The following MDGA2 variants were observed in gnomAD, a reference collection of about 807,000 sequenced individuals.
MDGA2 encodes the protein MAM domain-containing glycosylphosphatidylinositol anchor protein 2.
Under a neutral mutation model 117.8 loss-of-function variants are expected in MDGA2, and 40 were observed. That is an observed-to-expected ratio of 0.34 (90% confidence interval 0.26 to 0.44). The LOEUF (loss-of-function observed/expected upper bound fraction) is 0.44. MDGA2 is among the 20% of genes least tolerant of loss of function. MDGA2 has a pLI of 1.00. For synonymous variants in MDGA2, 452 were observed against 439.0 expected, an observed-to-expected ratio of 1.03 and a Z score of -0.37; for missense variants, 1,123 against 1,250.6, an observed-to-expected ratio of 0.90 and a Z score of 1.54.
intron 1 of MDGA2, among the ~76,000 whole-genome samples, chr14:47,556,662 G>C (rs1227203147): frequency 6.6e-6 from 1 of 152,144 alleles, no homozygotes. Context: ...GAAAATAATA[G>C]TTGCAACTTC....
At chr14:47,643,999 G>A (rs1897477144) in intron 1 of MDGA2, among the ~76,000 whole-genome samples, 1 of 152,148 alleles carries the variant, frequency 6.6e-6, no homozygotes, top group African/African-American at 2.4e-5. Context: ...TCAGAGTGTA[G>A]ACCAGGTGAG....
chr14:47,176,943 A>T (rs1398501751), intron 3 of MDGA2, among the ~76,000 whole-genome samples: 1 of 152,174 alleles, frequency 6.6e-6, no homozygotes, highest in African/African-American at 2.4e-5. Context: ...ATGAACTCAA[A>T]CAAATTTATA....
intron 3 of MDGA2, among the ~76,000 whole-genome samples, chr14:47,175,239 A>C (rs1884382630): frequency 6.6e-6 from 1 of 151,752 alleles, no homozygotes; most frequent in Admixed American, 6.6e-5. Context: ...AACTGGTACC[A>C]TTCCTTGTGA....
chr14:46,883,203 A>C (rs1882534039), intron 10 of MDGA2, among the ~76,000 whole-genome samples: 1 of 152,114 alleles, frequency 6.6e-6, no homozygotes, highest in African/African-American at 2.4e-5. Flanking sequence ...TTTAACATAC[A>C]ATATTGTTTC....
chr14:47,618,160 G>A (rs1896981600), intron 1 of MDGA2, among the ~76,000 whole-genome samples: 1 of 152,078 alleles, frequency 6.6e-6, no homozygotes, highest in South Asian at 2.1e-4. Flanking sequence ...ACAAATAACT[G>A]TACTAGCTTG....
intron 1 of MDGA2, among the ~76,000 whole-genome samples, chr14:47,662,149 T>C (rs2064798): frequency 0.99 from 151,497 of 152,294 alleles, 75,360 homozygotes; most frequent in East Asian, 1. Context: ...GCATACTCTG[T>C]TGCCAACACT....
rs75457968 is a variant in MDGA2, at chr14:47,589,185, T to C, written c.280+85332A>G. Reference sequence around the variant, plus strand: ...GTCGACATCTTTGTGGGGCAGTTATTTTAACAATCACACTCTATTTTTTCT... The same window carrying C: ...GTCGACATCTTTGTGGGGCAGTTATCTTAACAATCACACTCTATTTTTTCT... On this transcript the variant is annotated intron_variant, in intron 1 of 16. Coordinates refer to ENST00000399232, the MANE Select transcript of MDGA2 (RefSeq NM_001113498.3). Among the ~76,000 whole-genome samples, 634 of 152,114 alleles carry C rather than the reference T, an allele frequency of 4.2e-3. 4 individuals carry two copies. Among genetic ancestry groups the C allele is most frequent in the African/African-American group, 0.015 (609 of 41,538 alleles).
intron 5 of MDGA2, among the ~76,000 whole-genome samples, chr14:47,130,133 T>G (rs1882129310): frequency 6.6e-6 from 1 of 152,106 alleles, no homozygotes; most frequent in African/African-American, 2.4e-5. Context: ...TTTGTTGCCA[T>G]TGCTTCTGGT....
Position 47,674,730 on chromosome 14 carries a change from G to A in MDGA2, c.67C>T (p.Arg23Trp). Residue 23 changes from arginine (R) to tryptophan (W), a missense_variant, in exon 1 of 17, where the codon CGG (arginine) becomes TGG (tryptophan). Physicochemically the swap from Arg to Trp is moderately radical, Grantham distance 101 (BLOSUM62 -3). This residue lies in a region of MDGA2 where 233 missense variants were observed against 200.3 expected (regional missense o/e 1.16). Coordinates refer to ENST00000399232, the MANE Select transcript of MDGA2 (RefSeq NM_001113498.3). ...ACCGCTCGCCGAAGGAGGAAGCGCC[G>A]TCCGTCTGTCCTTCCCCGGCGGCGG... is the stretch of plus-strand genomic sequence containing the variant. Reference protein sequence around the residue: ...RRRRRGRTDGRRFLLRRAVPG... With the variant: ...RRRRRGRTDGWRFLLRRAVPG... 1.3e-6 allele frequency: 1 copy of A among 784,948 alleles called. No homozygotes were observed. The highest frequency in any genetic ancestry group is 2.2e-6 in the Non-Finnish European group (1 of 452,806). The allele number at this position is 784,948 out of a possible 1,614,324, so 48.6% of individuals were successfully genotyped here.
intron 1 of MDGA2, among the ~76,000 whole-genome samples, chr14:47,347,899 A>G (rs983874542): frequency 6.6e-6 from 1 of 152,188 alleles, no homozygotes; most frequent in Admixed American, 6.5e-5. Flanking sequence ...CCAAAATATA[A>G]GGAAATGTTC....
rs558340569 is a variant in MDGA2 at position 46,884,903 on chromosome 14, A to G, written c.2239-2682T>C. Among the ~76,000 whole-genome samples the G allele has an allele frequency of 2.6e-5, 4 of 151,886 alleles. No homozygotes were observed. In the South Asian group the frequency reaches 6.2e-4, roughly 24 times the overall value. On this transcript the variant is annotated intron_variant, in intron 10 of 16. Coordinates refer to ENST00000399232, the MANE Select transcript of MDGA2 (RefSeq NM_001113498.3). This position sits in a 1 kb window ranked among gnomAD's most constrained non-coding sequence, Gnocchi z 4.1. The stretch of plus-strand genomic sequence containing the variant: ...GCTCTGTCACCTAGGCTGGAGTACA[A>G]TGATGCTATCTCGGCTCACTGCAAC...
chr14:47,060,033 A>C lies in MDGA2; in HGVS notation c.1525+1216T>G, dbSNP rs540158766. 3.3e-5 allele frequency among the ~76,000 whole-genome samples: 5 copies of C among 152,226 alleles called. No homozygotes were observed. In the South Asian group the frequency reaches 6.2e-4, roughly 19 times the overall value. Reference sequence around the variant, plus strand: ...GTGTGTATCAACAGTTTTCCCTCAGATATCCTAAAATAATCCATCTCTTAG... The same window carrying C: ...GTGTGTATCAACAGTTTTCCCTCAGCTATCCTAAAATAATCCATCTCTTAG... On this transcript the variant is annotated intron_variant, in intron 7 of 16. Transcript: ENST00000399232.
chr14:47,094,943 A>T (rs1478673230), intron 6 of MDGA2, among the ~76,000 whole-genome samples: 1 of 152,070 alleles, frequency 6.6e-6, no homozygotes, highest in African/African-American at 2.4e-5. Flanking sequence ...CTAATATTTT[A>T]AAAATAAAAG....
intron 8 of MDGA2, among the ~76,000 whole-genome samples, chr14:47,020,171 G>T (rs1471647713): frequency 1.3e-5 from 2 of 152,002 alleles, no homozygotes; most frequent in Non-Finnish European, 2.9e-5. Flanking sequence ...TATGGGAACC[G>T]CTTTATCTAA....
intron 5 of MDGA2, among the ~76,000 whole-genome samples, chr14:47,121,928 C>A (rs1270481886): frequency 1.3e-5 from 2 of 151,870 alleles, no homozygotes; most frequent in East Asian, 3.9e-4. Flanking sequence ...ATCATGTAAG[C>A]CCCATGTATA....
In MDGA2 at chr14:46,841,972, G is replaced by A. The variant is rs1421822318; in HGVS notation, c.3037C>T (p.Pro1013Ser). Reference sequence around the variant, plus strand: ...AAGATAGAGATGAGGACGATAATGGGAAAAAGCCATATATGAACCAAAATC... The same window carrying A: ...AAGATAGAGATGAGGACGATAATGGAAAAAAGCCATATATGAACCAAAATC... Reference protein sequence around the residue: ...VGILVHIWLFPIIVLISILSP... With the variant: ...VGILVHIWLFSIIVLISILSP... Residue 1013 changes from proline to serine, a missense_variant, in exon 17 of 17, where the codon CCC becomes TCC. This residue lies in a region of MDGA2 where 890 missense variants were observed against 1,050.3 expected (regional missense o/e 0.85). Coordinates refer to ENST00000399232, the MANE Select transcript of MDGA2 (RefSeq NM_001113498.3). 4 of 1,612,174 alleles carry A rather than the reference G, an allele frequency of 2.5e-6. No individual in the cohort carries two copies. Among genetic ancestry groups the A allele is most frequent in the South Asian group, 2.2e-5 (2 of 90,944 alleles).
intron 1 of MDGA2, among the ~76,000 whole-genome samples, chr14:47,632,021 G>C (rs1897255329): frequency 6.6e-6 from 1 of 151,636 alleles, no homozygotes. Context: ...ATGTGTCCCA[G>C]GTGTGCCAAA....
chr14:47,584,508 A>T (rs1423000432), intron 1 of MDGA2, among the ~76,000 whole-genome samples: 1 of 151,800 alleles, frequency 6.6e-6, no homozygotes, highest in Non-Finnish European at 1.5e-5. Flanking sequence ...AGTACAGATA[A>T]CCAAATTTCA....
intron 1 of MDGA2, among the ~76,000 whole-genome samples, chr14:47,645,358 C>A (rs372323087): frequency 6.6e-6 from 1 of 151,890 alleles, no homozygotes. Context: ...ATTCTCCTCC[C>A]GAGTAGCTGG....
Sources: gnomAD v4.1 joint callset for allele counts (sites outside exome capture counted in the v4.1 genomes callset) on GRCh38, gnomAD v4.1.1 for gene constraint, gnomAD v4.1.1 regional missense constraint, Gnocchi (gnomAD v3.1) non-coding constraint, MANE v1.5 for transcripts, NCBI Gene and HGNC (gene_info 2026-07-23, HGNC 2026-07-21) for gene names.